Variants in RANBP2 observed in about 807,000 individuals in gnomAD.
RANBP2 encodes the protein E3 SUMO-protein ligase RanBP2.
In RANBP2, 57 loss-of-function variants were observed where a neutral mutation model predicts 303.6. The ratio of observed to expected loss-of-function variants is 0.19; its 90% CI spans 0.15 to 0.23. The LOEUF (loss-of-function observed/expected upper bound fraction) is 0.23. RANBP2 is among the 10% of genes least tolerant of loss of function. The pLI, the probability that RANBP2 is intolerant of heterozygous loss-of-function variation, is 1.00. For missense variants in RANBP2, 3,138 were observed against 3,780.8 expected, an observed-to-expected ratio of 0.83 and a Z score of 4.46; for synonymous variants, 1,167 against 1,301.5, an observed-to-expected ratio of 0.90 and a Z score of 2.23.
chr2:108,782,796 T>C lies in RANBP2; in HGVS notation c.9303T>C (p.Thr3101=). ...CTGAGAACTTCAGAGCACTATGCACTGGAGAGAAAGGCTTTGGTTTCAAGA... is the reference window on the plus strand; with the variant it reads ...CTGAGAACTTCAGAGCACTATGCACCGGAGAGAAAGGCTTTGGTTTCAAGA... ...RTAENFRALC[T]GEKGFGFKNS... The change falls in exon 28 of 29, where the codon ACT becomes ACC. Residue 3101 remains threonine (T), a synonymous_variant. Coordinates refer to ENST00000283195, the MANE Select transcript of RANBP2 (RefSeq NM_006267.5). The C allele has an allele frequency of 1.2e-6, 2 of 1,614,184 alleles. No individual in the cohort carries two copies. Among genetic ancestry groups the C allele is most frequent in the African/African-American group, 1.3e-5 (1 of 75,046 alleles).
the RANBP2 span, among the ~76,000 whole-genome samples, chr2:109,583,196 T>C: frequency 1.3e-5 from 2 of 152,138 alleles, no homozygotes; most frequent in African/African-American, 2.4e-5. Context: ...AGCTTCTACA[T>C]AGCAAAACAA....
At chr2:109,638,485 G>A in the RANBP2 span, among the ~76,000 whole-genome samples, 1 of 152,156 alleles carries the variant, frequency 6.6e-6, no homozygotes, top group Admixed American at 6.5e-5. Flanking sequence ...TCCTGAAGGT[G>A]AGCTCCAAAG....
chr2:109,722,519 G>A, the RANBP2 span, among the ~76,000 whole-genome samples: 35 of 152,238 alleles, frequency 2.3e-4, no homozygotes, highest in African/African-American at 6.3e-4. Context: ...TGTGCAGGAT[G>A]TGCAGGTTTG....
chr2:109,695,287 G>A, the RANBP2 span, among the ~76,000 whole-genome samples: 1 of 152,070 alleles, frequency 6.6e-6, no homozygotes, highest in Non-Finnish European at 1.5e-5. Flanking sequence ...TGGTGTTAAT[G>A]TCTATTGACT....
chr2:108,876,197 C>G, the RANBP2 span: 3 of 1,613,372 alleles, frequency 1.9e-6, no homozygotes, highest in East Asian at 4.5e-5. Flanking sequence ...AAATTCAACT[C>G]TGTTCAATCT....
the RANBP2 span, chr2:108,910,978 G>C: frequency 6.2e-7 from 1 of 1,614,168 alleles, no homozygotes; most frequent in Non-Finnish European, 8.5e-7. Flanking sequence ...TCAGGATGTA[G>C]AACATGATGA....
At chr2:109,357,470 C>T in the RANBP2 span, among the ~76,000 whole-genome samples, 7 of 152,190 alleles carry the variant, frequency 4.6e-5, no homozygotes, top group East Asian at 3.8e-4. Context: ...CGTGAGCCAC[C>T]GCACCCGGCC....
the RANBP2 span, among the ~76,000 whole-genome samples, chr2:109,296,453 G>A: frequency 2.0e-5 from 3 of 151,852 alleles, no homozygotes; most frequent in African/African-American, 2.4e-5. Flanking sequence ...TGTTGTTCAA[G>A]CTGGTCTCAA....
chr2:109,601,849 C>CT, the RANBP2 span, among the ~76,000 whole-genome samples: 5 of 151,866 alleles, frequency 3.3e-5, no homozygotes, highest in Non-Finnish European at 7.4e-5. Context: ...CTTTCTAGCA[C>CT]TGTATGAGTC....
intron 18 of RANBP2, among the ~76,000 whole-genome samples, chr2:108,759,539 T>G (rs1365033766): frequency 6.6e-6 from 1 of 152,166 alleles, no homozygotes; most frequent in Admixed American, 6.5e-5. Flanking sequence ...AAAATCTAGT[T>G]TAGATGAGCA....
chr2:109,234,396 G>C, the RANBP2 span, among the ~76,000 whole-genome samples: 7 of 152,208 alleles, frequency 4.6e-5, no homozygotes, highest in South Asian at 1.0e-3. Flanking sequence ...GATGAAACAG[G>C]CAATTTCTCT....
chr2:108,754,047 T>C, intron 15 of RANBP2, 76 bp downstream of exon 15: 1 of 1,610,500 alleles, frequency 6.2e-7, no homozygotes. Flanking sequence ...TCTTATATTT[T>C]GGTAATTTCA....
chr2:108,873,650 C>G, the RANBP2 span: 1 of 1,190,366 alleles, frequency 8.4e-7, no homozygotes, highest in South Asian at 1.5e-5. Context: ...ATCATTTAAA[C>G]CAGGGGTTTT....
intron 6 of RANBP2, 141 bp downstream of exon 6, chr2:108,736,390 G>T (rs534325301): frequency 6.7e-7 from 1 of 1,499,966 alleles, no homozygotes; most frequent in South Asian, 1.2e-5. Flanking sequence ...GAACAACTAG[G>T]AGGCAATCTT....
the RANBP2 span, among the ~76,000 whole-genome samples, chr2:109,268,271 G>A: frequency 2.6e-5 from 4 of 151,744 alleles, no homozygotes; most frequent in Admixed American, 2.6e-4. Flanking sequence ...AGTGAGGTGC[G>A]GCCCCTTCTC....
At chr2:109,613,909 G>T in the RANBP2 span, 4 of 1,227,770 alleles carry the variant, frequency 3.3e-6, no homozygotes, top group African/African-American at 6.2e-5. Context: ...CGGGAAGGCC[G>T]GAGGGCAGAA....
the RANBP2 span, among the ~76,000 whole-genome samples, chr2:109,332,797 A>G: frequency 5.3e-5 from 8 of 152,364 alleles, no homozygotes; most frequent in African/African-American, 1.9e-4. Flanking sequence ...GGTGAGAAAT[A>G]GGACTCGGAA....
chr2:109,387,177 G>A, the RANBP2 span, among the ~76,000 whole-genome samples: 2 of 152,114 alleles, frequency 1.3e-5, no homozygotes, highest in Admixed American at 1.3e-4. Context: ...GGACAAATTT[G>A]AGATTGCGCT....
the RANBP2 span, among the ~76,000 whole-genome samples, chr2:109,386,550 G>C: frequency 6.6e-6 from 1 of 152,216 alleles, no homozygotes; most frequent in Non-Finnish European, 1.5e-5. Context: ...GCCTTGGTTT[G>C]CGGCCCTTGA....
Sources: gnomAD v4.1 joint callset for allele counts (sites outside exome capture counted in the v4.1 genomes callset) on GRCh38, gnomAD v4.1.1 for gene constraint, MANE v1.5 for transcripts, NCBI Gene and HGNC (gene_info 2026-07-23, HGNC 2026-07-21) for gene names.